Variants in SLC2A14 observed in about 807,000 individuals in gnomAD.
The protein encoded by SLC2A14 is solute carrier family 2, facilitated glucose transporter member 14.
A neutral mutation model predicts 43.0 loss-of-function variants in SLC2A14; 13 were observed. The observed-to-expected ratio is 0.30, with a 90% confidence interval of 0.20 to 0.48. The LOEUF (loss-of-function observed/expected upper bound fraction) is 0.48, where lower values mean the gene tolerates loss of function less well. SLC2A14 is among the 20% of genes least tolerant of loss of function. The pLI, the probability that SLC2A14 is intolerant of heterozygous loss-of-function variation, is 0.99. For missense variants in SLC2A14, 428 were observed against 620.4 expected, an observed-to-expected ratio of 0.69 and a Z score of 3.29; for synonymous variants, 190 against 233.8, an observed-to-expected ratio of 0.81 and a Z score of 1.71.
intron 2 of SLC2A14, among the ~76,000 whole-genome samples, chr12:7,853,309 C>T (rs781750273): frequency 2.0e-5 from 3 of 151,426 alleles, no homozygotes; most frequent in South Asian, 2.1e-4. Flanking sequence ...CATGGTGGTG[C>T]GCGCCTGTAA....
Position 7,831,777 on chromosome 12 carries a change from AG to A in SLC2A14, c.112-14del, listed in dbSNP as rs1264527034. 2 of 1,613,942 alleles carry A rather than the reference AG, an allele frequency of 1.2e-6. No homozygotes were observed. The highest frequency in any genetic ancestry group is 1.7e-6 in the Non-Finnish European group (2 of 1,179,938). ...ATTCCTTTATGATCTGCAAAATAAA[AG>A]GTGGGAGGACAGACTATTACAGTTG... is the stretch of plus-strand genomic sequence containing the variant. On this transcript the variant is annotated splice_polypyrimidine_tract_variant and intron_variant, in intron 3 of 10. Transcript: ENST00000431042.
intron 2 of SLC2A14, among the ~76,000 whole-genome samples, chr12:7,852,514 A>G (rs1867021096): frequency 6.6e-6 from 1 of 152,138 alleles, no homozygotes; most frequent in South Asian, 2.1e-4. Flanking sequence ...TTTCCCATAA[A>G]GTTAATAAAA....
rs543661168 is a variant in SLC2A14, at chr12:7,828,397, C to A, written c.676+307G>T. Among the ~76,000 whole-genome samples, 448 of 149,988 alleles carry A rather than the reference C, an allele frequency of 3.0e-3. 3 individuals are homozygous for A. Among genetic ancestry groups the A allele is most frequent in the African/African-American group, 0.01 (425 of 40,692 alleles). ...AAAAAAAAGTACAAAAGTAGCCAGG[C>A]GTGGTGTGGTGGTGGTGGCACATGC... On this transcript the variant is annotated intron_variant, in intron 6 of 10. Transcript: ENST00000431042.
At chr12:7,842,281 A>G (rs1033923768) in intron 2 of SLC2A14, among the ~76,000 whole-genome samples, 2 of 152,156 alleles carry the variant, frequency 1.3e-5, no homozygotes, top group African/African-American at 4.8e-5. Context: ...CCCTTCACCT[A>G]CTGAAGGACA....
intron 7 of SLC2A14, among the ~76,000 whole-genome samples, chr12:7,827,073 CTCTT>C (rs35677028): frequency 0.36 from 42,572 of 117,722 alleles, 7,880 homozygotes; most frequent in Admixed American, 0.44. Context: ...TTCTCTCTCT[CTCTT>C]TCTTTCTTTC....
chr12:7,862,152 T>C (rs993581313), intron 2 of SLC2A14, among the ~76,000 whole-genome samples: 5 of 146,514 alleles, frequency 3.4e-5, no homozygotes, highest in Non-Finnish European at 7.4e-5. Context: ...TAATCCCAGC[T>C]ACTCAGGTGG....
At chr12:7,855,563 C>T (rs2120956585) in intron 2 of SLC2A14, among the ~76,000 whole-genome samples, 1 of 152,250 alleles carries the variant, frequency 6.6e-6, no homozygotes, top group South Asian at 2.1e-4. Context: ...TCTCCTCAAC[C>T]AGTGTGATGC....
chr12:7,851,629 A>G (rs775429085), intron 2 of SLC2A14, among the ~76,000 whole-genome samples: 3 of 152,174 alleles, frequency 2.0e-5, no homozygotes, highest in Admixed American at 2.0e-4. Flanking sequence ...TTAGGAAAAG[A>G]TTATTTTTGC....
intron 1 of SLC2A14, among the ~76,000 whole-genome samples, chr12:7,887,449 C>T (rs1052106890): frequency 1.3e-5 from 2 of 151,960 alleles, no homozygotes; most frequent in Admixed American, 1.3e-4. Context: ...GGTGAATGAA[C>T]CATTCATACT....
At chr12:7,817,753 TAG>T (rs1189012216) in intron 10 of SLC2A14, 76 bp downstream of exon 10, 35 of 1,265,726 alleles carry the variant, frequency 2.8e-5, no homozygotes, top group Non-Finnish European at 3.7e-5. Context: ...TATATATATA[TAG>T]ATAGATAGAT....
chr12:7,828,961 G>A (rs777809160), intron 5 of SLC2A14, 95 bp from the exon 6 acceptor site: 51 of 1,459,904 alleles, frequency 3.5e-5, no homozygotes, highest in Non-Finnish European at 4.5e-5. Flanking sequence ...AGTAGCTTAC[G>A]CCTGTAATTC....
At position 7,864,484 on chromosome 12, in the gene SLC2A14, G is replaced by A. The variant is rs768592804; in HGVS notation, c.18+5379C>T. Among the ~76,000 whole-genome samples, 4 of 152,046 alleles carry A rather than the reference G, an allele frequency of 2.6e-5. No homozygotes were observed. The East Asian group carries it at 7.8e-4, about 30-fold the overall frequency. On this transcript the variant is annotated intron_variant, in intron 2 of 10. Transcript: ENST00000431042. ...CTTCCAACTAGCTGGGACTGCAGGT[G>A]CGCACCACCATGCCTGGCTAATTTT...
intron 2 of SLC2A14, among the ~76,000 whole-genome samples, chr12:7,850,487 C>T (rs995647477): frequency 6.6e-6 from 1 of 151,232 alleles, no homozygotes; most frequent in Non-Finnish European, 1.5e-5. Context: ...CATCCGTCTC[C>T]TGGGTTCAAG....
upstream of SLC2A14, among the ~76,000 whole-genome samples, chr12:7,875,079 T>A (rs1487597437): frequency 2.2e-4 from 15 of 66,952 alleles, no homozygotes; most frequent in Non-Finnish European, 3.7e-4. Context: ...ATATTATATT[T>A]AATATTCTAT....
At chr12:7,822,319 TA>T in intron 7 of SLC2A14, among the ~76,000 whole-genome samples, 1 of 152,164 alleles carries the variant, frequency 6.6e-6, no homozygotes, top group South Asian at 2.1e-4. Flanking sequence ...TGCTTCTAAC[TA>T]TGCTTATTCC....
chr12:7,831,089 A>C (rs1864979614), intron 4 of SLC2A14, among the ~76,000 whole-genome samples: 1 of 147,608 alleles, frequency 6.8e-6, no homozygotes, highest in Non-Finnish European at 1.5e-5. Context: ...GCACCATTGC[A>C]CTCCAGCCTA....
At chr12:7,826,096 C>T (rs950271182) in intron 7 of SLC2A14, among the ~76,000 whole-genome samples, 4 of 152,018 alleles carry the variant, frequency 2.6e-5, no homozygotes, top group Admixed American at 6.6e-5. Context: ...TCTGGAAAGT[C>T]TCGGGAGCAC....
In SLC2A14 at chr12:7,816,108, T is replaced by C. The variant is rs1863432242; in HGVS notation, c.1276-1574A>G. Among the ~76,000 whole-genome samples, 2 of 45,402 alleles carry C rather than the reference T, an allele frequency of 4.4e-5. 1 individual carries two copies. Among genetic ancestry groups the C allele is most frequent in the Non-Finnish European group, 8.3e-5 (2 of 24,010 alleles). 29.8% of individuals were successfully genotyped at this position (45,402 alleles called of 152,430 possible). A position where few individuals can be genotyped will look rare whatever the true frequency, so the allele number is the denominator to read the frequency against. On this transcript the variant is annotated intron_variant, in intron 10 of 10. Coordinates refer to ENST00000431042, the MANE Select transcript of SLC2A14 (RefSeq NM_001286234.2). ...TTTTTTATTTTTTTTATTTTTTTTA[T>C]TTTTTTTGAGACGGAGTCTCGCTCT...
At chr12:7,882,272 C>T (rs752159175) in intron 1 of SLC2A14, among the ~76,000 whole-genome samples, 3 of 148,428 alleles carry the variant, frequency 2.0e-5, no homozygotes, top group Non-Finnish European at 4.4e-5. Flanking sequence ...AGAGCTGTAA[C>T]ACTCACCGTG....
Sources: gnomAD v4.1 joint callset for allele counts (sites outside exome capture counted in the v4.1 genomes callset) on GRCh38, gnomAD v4.1.1 for gene constraint, MANE v1.5 for transcripts, NCBI Gene and HGNC (gene_info 2026-07-23, HGNC 2026-07-21) for gene names.